NAA35: variants seen among roughly 807,000 people sequenced by gnomAD.
NAA35 encodes the protein N-alpha-acetyltransferase 35, NatC auxiliary subunit.
Under a neutral mutation model 101.7 loss-of-function variants are expected in NAA35, and 18 were observed. The observed-to-expected ratio is 0.18, with a 90% CI of 0.12 to 0.26. The LOEUF (loss-of-function observed/expected upper bound fraction) is 0.26, where lower values mean the gene tolerates loss of function less well. Ranked by LOEUF, NAA35 falls within the 10% of genes least tolerant of loss-of-function variation. The pLI, the probability that NAA35 is intolerant of heterozygous loss-of-function variation, is 1.00. For missense variants in NAA35, 601 were observed against 886.8 expected (o/e 0.68, Z 4.09); for synonymous variants, 267 against 273.1 (o/e 0.98, Z 0.22).
At position 86,017,512 on chromosome 9, in the gene NAA35, C is replaced by G. The variant is rs1311636717; in HGVS notation, c.1720C>G (p.Arg574Gly). ...TCTAATTACAGTTCGCCCATTGAGC[C>G]GAGAGATCACAATGAGCCAAGCATA... ...KKKKKVRPLS[R>G]EITMSQAYQN... The change falls in exon 19 of 23, where the codon CGA becomes GGA. Residue 574 changes from arginine (R) to glycine (G), a missense_variant. Arg to Gly is a moderately radical substitution (Grantham distance 125, BLOSUM62 -2). This residue lies in a region of NAA35 where 99 missense variants were observed against 206.7 expected (regional missense o/e 0.48). Transcript: ENST00000361671. 2.5e-6 allele frequency: 4 copies of G among 1,613,480 alleles called. No homozygotes were observed. Among genetic ancestry groups the G allele is most frequent in the Non-Finnish European group, 3.4e-6 (4 of 1,179,720 alleles).
chr9:86,000,586 G>T (rs1424024902), intron 12 of NAA35, among the ~76,000 whole-genome samples: 1 of 151,592 alleles, frequency 6.6e-6, no homozygotes, highest in Non-Finnish European at 1.5e-5. Flanking sequence ...GCTCATTATT[G>T]GTCTGTTCAG....
intron 2 of NAA35, among the ~76,000 whole-genome samples, chr9:85,944,890 C>T (rs557265050): frequency 6.6e-6 from 1 of 152,288 alleles, no homozygotes; most frequent in East Asian, 1.9e-4. Context: ...AGGGTGGTTG[C>T]ATACCACAGT....
rs558464833 is a variant in NAA35 at position 85,950,320 on chromosome 9, A to G, written c.125-6040A>G. ...GAGTGCCATGGCACAATCTCAGCTC[A>G]CTGTAACCTCCGTCTCCTGGGTCCA... is the stretch of plus-strand genomic sequence containing the variant. On this transcript the variant is annotated intron_variant, in intron 2 of 22. Transcript: ENST00000361671. 1.2e-4 allele frequency among the ~76,000 whole-genome samples: 18 copies of G among 152,306 alleles called. No individual in the cohort carries two copies. The South Asian group carries it at 3.1e-3, about 26-fold the overall frequency.
intron 10 of NAA35, among the ~76,000 whole-genome samples, chr9:85,977,730 G>A (rs1457076163): frequency 6.6e-6 from 1 of 152,064 alleles, no homozygotes; most frequent in African/African-American, 2.4e-5. Flanking sequence ...ATTTTAGGTA[G>A]GCCTAGTCTT....
At chr9:85,998,223 T>C (rs1268212731) in intron 12 of NAA35, among the ~76,000 whole-genome samples, 1 of 152,140 alleles carries the variant, frequency 6.6e-6, no homozygotes, top group Non-Finnish European at 1.5e-5. Flanking sequence ...CTTAAGTGTG[T>C]ATATAGTTTT....
chr9:85,949,995 G>C (rs1361970959), intron 2 of NAA35, among the ~76,000 whole-genome samples: 1 of 152,076 alleles, frequency 6.6e-6, no homozygotes, highest in Non-Finnish European at 1.5e-5. Flanking sequence ...ATTTTTCAGA[G>C]GCTACATGAT....
intron 13 of NAA35, among the ~76,000 whole-genome samples, chr9:86,005,710 A>G (rs1831606006): frequency 6.6e-6 from 1 of 150,684 alleles, no homozygotes; most frequent in African/African-American, 2.4e-5. Flanking sequence ...CAAAATTTTA[A>G]AAACCAAACT....
intron 2 of NAA35, among the ~76,000 whole-genome samples, chr9:85,947,827 T>C (rs1338221898): frequency 6.6e-6 from 1 of 152,206 alleles, no homozygotes; most frequent in Non-Finnish European, 1.5e-5. Flanking sequence ...AACCCTGAAT[T>C]CTTCAGGAAA....
chr9:86,016,335 A>G (rs1262316502), intron 17 of NAA35, among the ~76,000 whole-genome samples: 16 of 152,234 alleles, frequency 1.1e-4, no homozygotes, highest in Admixed American at 9.2e-4. Context: ...ATAATTATCA[A>G]GAAATCTTCT....
At chr9:85,950,818 G>A (rs10868354) in intron 2 of NAA35, among the ~76,000 whole-genome samples, 26,646 of 152,022 alleles carry the variant, frequency 0.18, 2,400 homozygotes, top group Middle Eastern at 0.25. Flanking sequence ...ATTTAAAACT[G>A]AGACATTTAA....
intron 11 of NAA35, among the ~76,000 whole-genome samples, chr9:85,991,894 G>T (rs953044167): frequency 6.6e-6 from 1 of 152,180 alleles, no homozygotes. Context: ...AGGTGGATGG[G>T]CCGGGCGTGG....
intron 16 of NAA35, among the ~76,000 whole-genome samples, chr9:86,013,366 T>C (rs1427381348): frequency 3.3e-5 from 5 of 152,186 alleles, no homozygotes; most frequent in African/African-American, 1.2e-4. Context: ...TAGGAATAAA[T>C]TATGAAATAT....
intron 14 of NAA35, among the ~76,000 whole-genome samples, chr9:86,007,962 A>G (rs779665183): frequency 1.3e-5 from 2 of 152,204 alleles, no homozygotes; most frequent in Non-Finnish European, 2.9e-5. Flanking sequence ...TTCATGGTAG[A>G]TCTAATTAAT....
chr9:85,960,175 A>G (rs997344568), intron 5 of NAA35, among the ~76,000 whole-genome samples: 2 of 152,236 alleles, frequency 1.3e-5, no homozygotes, highest in African/African-American at 4.8e-5. Flanking sequence ...AGGTTTCATA[A>G]ATAAGCATGG....
intron 6 of NAA35, among the ~76,000 whole-genome samples, chr9:85,968,819 C>G (rs535654793): frequency 1.3e-5 from 2 of 152,234 alleles, no homozygotes; most frequent in African/African-American, 2.4e-5. Flanking sequence ...TATGGAGCAT[C>G]AATGTTGTTG....
chr9:85,942,382 ATG>A (rs1342355440), intron 2 of NAA35, 99 bp downstream of exon 2: 6 of 1,497,310 alleles, frequency 4.0e-6, no homozygotes, highest in Admixed American at 2.2e-5. Flanking sequence ...CAACAGGTAA[ATG>A]TGGTTTGTTG....
At chr9:85,945,960 A>T (rs1176299121) in intron 2 of NAA35, among the ~76,000 whole-genome samples, 1 of 152,034 alleles carries the variant, frequency 6.6e-6, no homozygotes, top group Admixed American at 6.5e-5. Context: ...GATTTATTTT[A>T]TTTCCTACTA....
intron 14 of NAA35, among the ~76,000 whole-genome samples, chr9:86,008,641 T>C (rs532467629): frequency 2.6e-5 from 4 of 152,348 alleles, no homozygotes; most frequent in South Asian, 4.1e-4. Flanking sequence ...ATTTAGTATC[T>C]TCAGAAACTT....
chr9:85,999,094 C>A (rs1831302464), intron 12 of NAA35, among the ~76,000 whole-genome samples: 2 of 152,194 alleles, frequency 1.3e-5, no homozygotes, highest in African/African-American at 2.4e-5. Context: ...TTAATACCTT[C>A]TGTTGCATTT....
Sources: gnomAD v4.1 joint callset for allele counts (sites outside exome capture counted in the v4.1 genomes callset) on GRCh38, gnomAD v4.1.1 for gene constraint, gnomAD v4.1.1 regional missense constraint, MANE v1.5 for transcripts, NCBI Gene and HGNC (gene_info 2026-07-23, HGNC 2026-07-21) for gene names.